Variants in C8orf89 observed in about 807,000 individuals in gnomAD.
The protein encoded by C8orf89 is chromosome 8 open reading frame 89.
Under a neutral mutation model 15.8 loss-of-function variants are expected in C8orf89, and 14 were observed. The observed-to-expected ratio is 0.89, with a 90% CI of 0.59 to 1.39. The LOEUF is 1.39. Among genes scored for constraint, C8orf89 ranks in the 40% most tolerant of loss-of-function variants. The probability of loss-of-function intolerance (pLI) is 0.00; values close to 1 mark genes in which losing one functional copy is unlikely to be tolerated. For missense variants in C8orf89, 181 were observed against 184.5 expected (o/e 0.98, Z 0.11); for synonymous variants, 55 against 62.2 (o/e 0.88, Z 0.54).
chr8:73,242,587 C>T (rs900975578), intron 3 of C8orf89, among the ~76,000 whole-genome samples: 1 of 152,162 alleles, frequency 6.6e-6, no homozygotes, highest in Non-Finnish European at 1.5e-5. Context: ...TCAGAGGCAT[C>T]AAAACTACAA....
At chr8:73,254,684 G>C (rs142051927) in intron 2 of C8orf89, among the ~76,000 whole-genome samples, 1,558 of 152,134 alleles carry the variant, frequency 0.01, 32 homozygotes, top group African/African-American at 0.035. Flanking sequence ...CCCACCCCTA[G>C]GCCAGCCACA....
chr8:73,269,526 T>G, the C8orf89 span, among the ~76,000 whole-genome samples: 411 of 152,364 alleles, frequency 2.7e-3, 1 homozygote, highest in African/African-American at 9.2e-3. Context: ...CAATGGCAGA[T>G]GCACAGTGTT....
At chr8:73,268,723 G>C in the C8orf89 span, among the ~76,000 whole-genome samples, 1 of 152,148 alleles carries the variant, frequency 6.6e-6, no homozygotes, top group African/African-American at 2.4e-5. Context: ...TACAATGTTT[G>C]TGATTTGCTT....
At chr8:73,269,960 G>A in the C8orf89 span, among the ~76,000 whole-genome samples, 1 of 152,158 alleles carries the variant, frequency 6.6e-6, no homozygotes, top group South Asian at 2.1e-4. Context: ...AAGAAGGTAA[G>A]GGGTTCCTGT....
At chr8:73,277,936 AAACATGTCTGTGTTGGCCAGC>A in the C8orf89 span, 3 of 666,418 alleles carry the variant, frequency 4.5e-6, no homozygotes, top group Non-Finnish European at 5.7e-6. Flanking sequence ...GCTTAGAGAG[AAACATGTCTGTGTTGGCCAGC>A]AACAATGCCA....
At chr8:73,254,683 A>G (rs1023298126) in intron 2 of C8orf89, among the ~76,000 whole-genome samples, 8 of 152,008 alleles carry the variant, frequency 5.3e-5, no homozygotes, top group African/African-American at 1.9e-4. Context: ...TCCCACCCCT[A>G]GGCCAGCCAC....
chr8:73,277,457 G>A, the C8orf89 span: 14 of 1,073,338 alleles, frequency 1.3e-5, no homozygotes, highest in African/African-American at 4.8e-5. Flanking sequence ...TCTTTTTCTC[G>A]GTGCTCGAGA....
intron 2 of C8orf89, among the ~76,000 whole-genome samples, chr8:73,251,470 C>T (rs1813246862): frequency 6.6e-6 from 1 of 152,228 alleles, no homozygotes; most frequent in African/African-American, 2.4e-5. Flanking sequence ...AGAACTAACA[C>T]TTATGTTTGC....
chr8:73,250,426 GAA>G (rs1813223010), intron 2 of C8orf89, 103 bp from the exon 3 acceptor site: 2 of 686,790 alleles, frequency 2.9e-6, no homozygotes, highest in South Asian at 3.9e-5. Flanking sequence ...AAATGTTAAG[GAA>G]AGGAAAGTCT....
At position 73,256,130 on chromosome 8, in the gene C8orf89, A is replaced by AAATAATAAT. The variant is rs71268002; in HGVS notation, c.281+834_281+842dup. Among the ~76,000 whole-genome samples, 1,269 of 147,986 alleles carry AAATAATAAT rather than the reference A, an allele frequency of 8.6e-3. 21 individuals are homozygous for AAATAATAAT. Among genetic ancestry groups the AAATAATAAT allele is most frequent in the African/African-American group, 0.029 (1,174 of 40,420 alleles). On this transcript the variant is annotated intron_variant, in intron 2 of 3. Coordinates refer to ENST00000624510, the MANE Select transcript of C8orf89 (RefSeq NM_001243237.3). ...ATAATAATAATAAAAAATAAATAAC[A>AAATAATAAT]AATAATAATAATAATAATAATAATA...
At chr8:73,262,959 T>C (rs1381142569), upstream of C8orf89, among the ~76,000 whole-genome samples, 1 of 151,896 alleles carries the variant, frequency 6.6e-6, no homozygotes, top group Non-Finnish European at 1.5e-5. Flanking sequence ...CTAATTCTAG[T>C]GGAAAAAGAA....
chr8:73,257,023 T>G lies in C8orf89; in HGVS notation c.231A>C (p.Leu77=). 6.5e-7 allele frequency: 1 copy of G among 1,535,246 alleles called. No individual in the cohort carries two copies. Among genetic ancestry groups the G allele is most frequent in the South Asian group, 1.2e-5 (1 of 84,048 alleles). The change falls in exon 2 of 4, where the codon CTA becomes CTC. Residue 77 remains leucine (L), a synonymous_variant. Coordinates refer to ENST00000624510, the MANE Select transcript of C8orf89 (RefSeq NM_001243237.3). ...CACGTGGCAGTCTTTTAGGAACCTCTAGTGGAGTTGAACTTACACTTTTTT... is the reference window on the plus strand; with the variant it reads ...CACGTGGCAGTCTTTTAGGAACCTCGAGTGGAGTTGAACTTACACTTTTTT... ...SCQKSVSSTP[L]EVPKRLPRAD...
chr8:73,270,959 A>G, the C8orf89 span, among the ~76,000 whole-genome samples: 8 of 152,336 alleles, frequency 5.3e-5, no homozygotes, highest in South Asian at 8.3e-4. Flanking sequence ...GTGAAATAAA[A>G]CTTCACAGCC....
chr8:73,246,725 T>C (rs1456537790), intron 3 of C8orf89, among the ~76,000 whole-genome samples: 4 of 152,190 alleles, frequency 2.6e-5, no homozygotes. Flanking sequence ...TTTTACACTG[T>C]CTGTTGATTA....
the C8orf89 span, among the ~76,000 whole-genome samples, chr8:73,269,789 A>G: frequency 6.6e-6 from 1 of 152,242 alleles, no homozygotes; most frequent in African/African-American, 2.4e-5. Flanking sequence ...GTAAGCTTCA[A>G]AAAGCTGTAG....
the C8orf89 span, among the ~76,000 whole-genome samples, chr8:73,277,086 C>T: frequency 1.3e-5 from 2 of 152,116 alleles, no homozygotes; most frequent in African/African-American, 4.8e-5. Flanking sequence ...GGATTACAAG[C>T]ATGAGCCACT....
rs1198333708 is a variant in C8orf89 at position 73,250,297 on chromosome 8, C to T, written c.308G>A (p.Ser103Asn). The T allele has an allele frequency of 6.5e-7, 1 of 1,532,928 alleles. No homozygotes were observed. Among genetic ancestry groups the T allele is most frequent in the Non-Finnish European group, 8.7e-7 (1 of 1,144,660 alleles). The allele number at this position is 1,532,928 out of a possible 1,614,324, so 95.0% of individuals were successfully genotyped here. Residue 103 changes from serine to asparagine, a missense_variant, in exon 3 of 4, where the codon AGT becomes AAT. Physicochemically the swap from Ser to Asn is conservative, Grantham distance 46. Transcript: ENST00000624510. ...VRLKKTKETC[S>N]VAPLWEKSKG... The stretch of plus-strand genomic sequence containing the variant: ...TGATTTCTCCCAAAGTGGTGCCACA[C>T]TGCATGTCTCCTTAGTCTTCTTTAG...
the C8orf89 span, among the ~76,000 whole-genome samples, chr8:73,273,125 TGGG>T: frequency 3.3e-5 from 5 of 152,104 alleles, no homozygotes; most frequent in African/African-American, 1.2e-4. Flanking sequence ...CCAGTTGCAG[TGGG>T]GGAGGTGCAG....
chr8:73,274,462 T>G, the C8orf89 span, among the ~76,000 whole-genome samples: 1 of 152,144 alleles, frequency 6.6e-6, no homozygotes, highest in Non-Finnish European at 1.5e-5. Flanking sequence ...TTTCATCTTT[T>G]TTAGGTTATC....
Sources: gnomAD v4.1 joint callset for allele counts (sites outside exome capture counted in the v4.1 genomes callset) on GRCh38, gnomAD v4.1.1 for gene constraint, MANE v1.5 for transcripts, NCBI Gene and HGNC (gene_info 2026-07-23, HGNC 2026-07-21) for gene names.